Variants in PPP1R9A observed in about 807,000 individuals in gnomAD.
The protein encoded by PPP1R9A is neurabin-1.
In PPP1R9A, 59 loss-of-function variants were observed where a neutral mutation model predicts 141.9. The ratio of observed to expected loss-of-function variants is 0.42; its 90% CI spans 0.34 to 0.52. The LOEUF (loss-of-function observed/expected upper bound fraction) is 0.52. Ranked by LOEUF, PPP1R9A falls within the 20% of genes least tolerant of loss-of-function variation. PPP1R9A has a pLI of 0.10. For synonymous variants in PPP1R9A, 500 were observed against 569.7 expected (o/e 0.88, Z 1.74); for missense variants, 1,444 against 1,611.9 (o/e 0.90, Z 1.78).
chr7:95,269,443 T>C lies in PPP1R9A; in HGVS notation c.3060T>C (p.Asp1020=). ...CACTGTTTTCTACTTCAAAGTCTGA[T>C]CATGATGTGGAAGAATCTCCTTGCC... ...DTSLFSTSKS[D]HDVEESPCHH... Residue 1020 remains aspartate, a synonymous_variant, in exon 14 of 20, where the codon GAT becomes GAC. Transcript: ENST00000433360. 8.2e-6 allele frequency: 13 copies of C among 1,591,856 alleles called. No homozygotes were observed. Among genetic ancestry groups the C allele is most frequent in the Non-Finnish European group, 9.4e-6 (11 of 1,173,704 alleles).
In PPP1R9A at chr7:95,151,941, C is replaced by CTTTTTTTTT. The variant is rs1167382285; in HGVS notation, c.1650-9905_1650-9897dup. Among the ~76,000 whole-genome samples, 323 of 54,472 alleles carry CTTTTTTTTT rather than the reference C, an allele frequency of 5.9e-3. 49 individuals are homozygous for CTTTTTTTTT. The highest frequency in any genetic ancestry group is 0.011 in the East Asian group (15 of 1,428). 35.7% of individuals were successfully genotyped at this position (54,472 alleles called of 152,430 possible). ...AATGTCAGCACATAGTACTGAGAATCTTTTTTTTTTTTTTTTTTTTTTTTT... is the reference window on the plus strand; with the variant it reads ...AATGTCAGCACATAGTACTGAGAATCTTTTTTTTTTTTTTTTTTTTTTTTTTTTTTTTTT... On this transcript the variant is annotated intron_variant, in intron 4 of 19. Transcript: ENST00000433360.
chr7:95,110,211 A>G lies in PPP1R9A; in HGVS notation c.1396-1048A>G, dbSNP rs73218146. Among the ~76,000 whole-genome samples, 1,101 of 152,340 alleles carry G rather than the reference A, an allele frequency of 7.2e-3. 5 individuals are homozygous for G. The highest frequency in any genetic ancestry group is 0.011 in the Non-Finnish European group (749 of 68,030). ...GAATATAGGAATTACTTGTTTTCCA[A>G]TAATACAAATGTAAAGTGTCCATAG... On this transcript the variant is annotated intron_variant, in intron 2 of 19. Coordinates refer to ENST00000433360, the MANE Select transcript of PPP1R9A (RefSeq NM_001166160.2).
rs368903180 is a variant in PPP1R9A at position 95,167,247 on chromosome 7, C to T, written c.1754+5276C>T. 1.2e-3 allele frequency among the ~76,000 whole-genome samples: 182 copies of T among 152,132 alleles called. 6 individuals are homozygous for T. In the South Asian group the frequency reaches 0.037, roughly 31 times the overall value. On this transcript the variant is annotated intron_variant, in intron 5 of 19. Coordinates refer to ENST00000433360, the MANE Select transcript of PPP1R9A (RefSeq NM_001166160.2). ...TTAAAACCGTCTTATCTCGTGAGAC[C>T]CATTCACTATCACAAGAACAGCACA...
At chr7:95,006,714 C>T (rs1279822977) in intron 2 of PPP1R9A, among the ~76,000 whole-genome samples, 1 of 152,074 alleles carries the variant, frequency 6.6e-6, no homozygotes, top group African/African-American at 2.4e-5. Context: ...ATAAAGAGTA[C>T]TTTGCCATAT....
intron 7 of PPP1R9A, among the ~76,000 whole-genome samples, chr7:95,206,475 A>G (rs1010748618): frequency 6.6e-6 from 1 of 152,198 alleles, no homozygotes; most frequent in South Asian, 2.1e-4. Context: ...AATAATTTAC[A>G]TACAATAAAT....
rs1222879476 is a variant in PPP1R9A at position 95,073,621 on chromosome 7, TAA to T, written c.1396-37637_1396-37636del. Among the ~76,000 whole-genome samples, 50 of 136,920 alleles carry T rather than the reference TAA, an allele frequency of 3.7e-4. 1 individual carries two copies. The highest frequency in any genetic ancestry group is 9.1e-4 in the Admixed American group (12 of 13,126). The allele number at this position is 136,920 out of a possible 152,430, so 89.8% of individuals were successfully genotyped here. A position where few individuals can be genotyped will look rare whatever the true frequency, so the allele number is the denominator to read the frequency against. ...TATTCAATGCAATACCTGAAAGAAA[TAA>T]GTTTTTTTTTTTTTTTTTTTTTTGT... On this transcript the variant is annotated intron_variant, in intron 2 of 19. Transcript: ENST00000433360.
intron 16 of PPP1R9A, among the ~76,000 whole-genome samples, chr7:95,277,994 T>C (rs1010798575): frequency 6.6e-6 from 1 of 152,100 alleles, no homozygotes; most frequent in Admixed American, 6.5e-5. Context: ...GGCTAGGTGA[T>C]AGTATGTTGA....
At chr7:95,014,487 A>G (rs899875467) in intron 2 of PPP1R9A, among the ~76,000 whole-genome samples, 5 of 152,016 alleles carry the variant, frequency 3.3e-5, no homozygotes, top group African/African-American at 9.7e-5. Context: ...CTGGAGACAC[A>G]TTATAAAGAT....
rs943340173 is a variant in PPP1R9A, at chr7:95,239,938, CTT to C, written c.2113-7534_2113-7533del. 1.8e-4 allele frequency among the ~76,000 whole-genome samples: 28 copies of C among 151,842 alleles called. 1 individual carries two copies. In the East Asian group the frequency reaches 2.9e-3, roughly 16 times the overall value. On this transcript the variant is annotated intron_variant, in intron 8 of 19. Coordinates refer to ENST00000433360, the MANE Select transcript of PPP1R9A (RefSeq NM_001166160.2). ...ATATAATTGTTACATTTTTTAAAAA[CTT>C]ATGTTTTTGGTTAGTTTTCTAAAGA...
intron 2 of PPP1R9A, among the ~76,000 whole-genome samples, chr7:94,985,320 C>T (rs1245065722): frequency 1.3e-5 from 2 of 152,124 alleles, no homozygotes; most frequent in African/African-American, 4.8e-5. Context: ...GTGGAGAGTT[C>T]TGTAGATGTC....
In PPP1R9A at chr7:95,269,366, G is replaced by A. The variant is rs1333317873; in HGVS notation, c.2983G>A (p.Glu995Lys). 9 of 1,598,314 alleles carry A rather than the reference G, an allele frequency of 5.6e-6. No individual in the cohort carries two copies. The East Asian group carries it at 1.8e-4, about 32-fold the overall frequency. The change falls in exon 14 of 20, where the codon GAA (glutamate) becomes AAA (lysine). Residue 995 changes from glutamate to lysine, a missense_variant. Glu to Lys is a moderately conservative substitution (Grantham distance 56). Around this residue, in one of 5 missense-constraint regions of PPP1R9A, gnomAD observed 459 missense variants for 513.8 expected, o/e 0.89. Transcript: ENST00000433360. ...SSDHIAEFQE[E>K]PLDPEMGPLS... Reference sequence around the variant, plus strand: ...TGACCACATAGCTGAATTTCAAGAAGAACCACTGGACCCAGAAATGGGGCC... The same window carrying A: ...TGACCACATAGCTGAATTTCAAGAAAAACCACTGGACCCAGAAATGGGGCC...
At chr7:95,147,610 C>T (rs780039408) in intron 4 of PPP1R9A, among the ~76,000 whole-genome samples, 18 of 152,020 alleles carry the variant, frequency 1.2e-4, no homozygotes, top group Non-Finnish European at 2.4e-4. Flanking sequence ...TTTGCCCATT[C>T]GATATGATAT....
At chr7:95,188,048 C>A (rs117640957) in intron 5 of PPP1R9A, among the ~76,000 whole-genome samples, 8 of 152,166 alleles carry the variant, frequency 5.3e-5, no homozygotes, top group Admixed American at 2.6e-4. Context: ...TGTTGACTTT[C>A]TCTCTTAATG....
intron 2 of PPP1R9A, among the ~76,000 whole-genome samples, chr7:95,048,752 G>A (rs928034030): frequency 6.6e-6 from 1 of 151,862 alleles, no homozygotes; most frequent in Non-Finnish European, 1.5e-5. Context: ...TCACTATGCC[G>A]GTCAGGCTGG....
At chr7:95,177,459 G>A (rs776925944) in intron 5 of PPP1R9A, among the ~76,000 whole-genome samples, 2 of 151,064 alleles carry the variant, frequency 1.3e-5, no homozygotes. Flanking sequence ...AAAAATACAA[G>A]TTAACAAACA....
At chr7:95,210,384 A>G (rs1791828708) in intron 7 of PPP1R9A, among the ~76,000 whole-genome samples, 2 of 152,038 alleles carry the variant, frequency 1.3e-5, no homozygotes, top group East Asian at 1.9e-4. Flanking sequence ...TCTGGTTTCT[A>G]TTTTTATTTG....
At chr7:95,137,934 C>CT (rs1041692626) in intron 4 of PPP1R9A, among the ~76,000 whole-genome samples, 1,887 of 134,474 alleles carry the variant, frequency 0.014, 47 homozygotes, top group African/African-American at 0.039. Context: ...TTCTTTTTTT[C>CT]TTTTTTTTTT....
chr7:95,205,588 C>A (rs2152888709), intron 7 of PPP1R9A, among the ~76,000 whole-genome samples: 1 of 152,242 alleles, frequency 6.6e-6, no homozygotes, highest in South Asian at 2.1e-4. Context: ...ACTTACTTTC[C>A]CAGGGGCCAT....
chr7:94,969,972 C>T (rs969851073), intron 2 of PPP1R9A, among the ~76,000 whole-genome samples: 4 of 152,136 alleles, frequency 2.6e-5, no homozygotes, highest in Non-Finnish European at 5.9e-5. Context: ...CTACTCAAGC[C>T]TCAGTAATGG....
Sources: allele counts gnomAD v4.1 joint callset (sites outside exome capture counted in the v4.1 genomes callset), GRCh38; gene constraint gnomAD v4.1.1; regional missense constraint gnomAD v4.1.1; transcripts MANE v1.5; gene names NCBI Gene and HGNC (gene_info 2026-07-23, HGNC 2026-07-21).